ADGRV1: variants seen among roughly 807,000 people sequenced by gnomAD.
ADGRV1 encodes adhesion G protein-coupled receptor V1, also known as G-protein coupled receptor 98.
A neutral mutation model predicts 596.2 loss-of-function variants in ADGRV1; 359 were observed. The observed-to-expected ratio is 0.60, with a 90% confidence interval of 0.55 to 0.66. The LOEUF is 0.66. Among genes scored for constraint, ADGRV1 ranks in the 30% least tolerant of loss-of-function variants. ADGRV1 has a pLI of 0.00. For missense variants in ADGRV1, 7,274 were observed against 7,575.6 expected, an observed-to-expected ratio of 0.96 and a Z score of 1.48; for synonymous variants, 2,681 against 2,679.2, an observed-to-expected ratio of 1.00 and a Z score of -0.02.
intron 83 of ADGRV1, among the ~76,000 whole-genome samples, chr5:90,887,456 T>C (rs369611565): frequency 6.6e-6 from 1 of 152,176 alleles, no homozygotes; most frequent in East Asian, 1.9e-4. Context: ...TCTTGACTTA[T>C]TCATCTCTGT....
At chr5:90,740,016 T>C (rs58661483) in intron 50 of ADGRV1, among the ~76,000 whole-genome samples, 5,667 of 152,248 alleles carry the variant, frequency 0.037, 342 homozygotes, top group African/African-American at 0.13. Context: ...TGATGCTCAC[T>C]AGCTGAGTCT....
Position 91,017,682 on chromosome 5 carries a change from G to A in ADGRV1, c.18152+32160G>A, listed in dbSNP as rs565197673. 3.3e-5 allele frequency among the ~76,000 whole-genome samples: 5 copies of A among 152,044 alleles called. No homozygotes were observed. In the South Asian group the frequency reaches 1.0e-3, roughly 32 times the overall value. On this transcript the variant is annotated intron_variant, in intron 85 of 89. Transcript: ENST00000405460. Reference sequence around the variant, plus strand: ...GTAGAGTTATAAGGTACAAATGTATGTATGCCCTTGGATGTGAATTTACCC... The same window carrying A: ...GTAGAGTTATAAGGTACAAATGTATATATGCCCTTGGATGTGAATTTACCC...
intron 85 of ADGRV1, among the ~76,000 whole-genome samples, chr5:91,057,662 T>G (rs1787008511): frequency 6.6e-6 from 1 of 152,232 alleles, no homozygotes; most frequent in Non-Finnish European, 1.5e-5. Context: ...AAATTCCTTA[T>G]GATAAAATAT....
rs79113115 is a variant in ADGRV1 at position 90,560,136 on chromosome 5, A to C, written c.22+1219A>C. On this transcript the variant is annotated intron_variant, in intron 1 of 89. Transcript: ENST00000405460. ...TGCCATTAACACACAATGACTTCGG[A>C]CATTCACCCATCCTTCCAGGCATTA... Among the ~76,000 whole-genome samples, 253 of 152,278 alleles carry C rather than the reference A, an allele frequency of 1.7e-3. 3 individuals are homozygous for C. In the East Asian group the frequency reaches 0.023, roughly 14 times the overall value.
intron 67 of ADGRV1, among the ~76,000 whole-genome samples, chr5:90,785,626 A>G (rs948053756): frequency 6.6e-6 from 1 of 152,268 alleles, no homozygotes; most frequent in African/African-American, 2.4e-5. Flanking sequence ...GAAGACATTT[A>G]TGCAGCCAAC....
At position 90,705,413 on chromosome 5, in the gene ADGRV1, C is replaced by A; in HGVS notation, c.8400C>A (p.Ala2800=). Residue 2800 remains alanine, a synonymous_variant, in exon 37 of 90, where the codon GCC becomes GCA. Coordinates refer to ENST00000405460, the MANE Select transcript of ADGRV1 (RefSeq NM_032119.4). ...TGACATTTTTAGGAGTTCCACCAGCCGGAATCGCCCTGCTTGATGCTCAAG... is the reference window on the plus strand; with the variant it reads ...TGACATTTTTAGGAGTTCCACCAGCAGGAATCGCCCTGCTTGATGCTCAAG... ...YDVRTQGVPP[A]GIALLDAQGY... 1 of 1,613,266 alleles carries A rather than the reference C, an allele frequency of 6.2e-7. No individual in the cohort carries two copies. Among genetic ancestry groups the A allele is most frequent in the Non-Finnish European group, 8.5e-7 (1 of 1,179,528 alleles).
chr5:90,734,788 G>A (rs1345870446), intron 50 of ADGRV1, among the ~76,000 whole-genome samples: 1 of 152,008 alleles, frequency 6.6e-6, no homozygotes, highest in East Asian at 1.9e-4. Flanking sequence ...TCAAACTCCT[G>A]ACCTCATGAT....
chr5:91,056,510 AT>A (rs902077928), intron 85 of ADGRV1, among the ~76,000 whole-genome samples: 73 of 150,754 alleles, frequency 4.8e-4, no homozygotes, highest in African/African-American at 1.5e-3. Context: ...CAAAACGACA[AT>A]TTTTTTTTTG....
intron 85 of ADGRV1, among the ~76,000 whole-genome samples, chr5:90,999,863 G>A (rs1218527906): frequency 1.3e-5 from 2 of 152,016 alleles, no homozygotes; most frequent in African/African-American, 4.8e-5. Context: ...TTGTCAAACA[G>A]GATACTTCAT....
chr5:90,705,854 A>G (rs1175830760), intron 37 of ADGRV1, among the ~76,000 whole-genome samples: 1 of 152,222 alleles, frequency 6.6e-6, no homozygotes, highest in Non-Finnish European at 1.5e-5. Flanking sequence ...GGGCTTGGCC[A>G]TGGGTGGCTC....
At chr5:90,586,005 A>G (rs1758715468) in intron 1 of ADGRV1, among the ~76,000 whole-genome samples, 1 of 152,244 alleles carries the variant, frequency 6.6e-6, no homozygotes, top group South Asian at 2.1e-4. Flanking sequence ...CTCTTTCTCC[A>G]GCTGTAAGCC....
chr5:90,633,580 T>A (rs1214412845), intron 9 of ADGRV1, among the ~76,000 whole-genome samples: 1 of 151,956 alleles, frequency 6.6e-6, no homozygotes, highest in East Asian at 1.9e-4. Context: ...ATATACATAT[T>A]TTATTTAACT....
chr5:90,704,106 C>T (rs1748273398), intron 35 of ADGRV1, among the ~76,000 whole-genome samples: 1 of 152,152 alleles, frequency 6.6e-6, no homozygotes. Flanking sequence ...AGAAACCTCT[C>T]CAACTTTGTG....
chr5:91,037,046 A>C (rs1784971346), intron 85 of ADGRV1, among the ~76,000 whole-genome samples: 1 of 152,152 alleles, frequency 6.6e-6, no homozygotes, highest in Non-Finnish European at 1.5e-5. Context: ...GAGACAAAGC[A>C]ATTTTATCAT....
rs570862883 is a variant in ADGRV1, at chr5:91,058,504, T to C, written c.18153-13943T>C. On this transcript the variant is annotated intron_variant, in intron 85 of 89. Coordinates refer to ENST00000405460, the MANE Select transcript of ADGRV1 (RefSeq NM_032119.4). ...ATCTTTTGCCCTCTTTTTGGAAGCTTTGTGGGAGTGGGACAGTAGTATGGA... is the reference window on the plus strand; with the variant it reads ...ATCTTTTGCCCTCTTTTTGGAAGCTCTGTGGGAGTGGGACAGTAGTATGGA... Among the ~76,000 whole-genome samples the C allele has an allele frequency of 4.0e-5, 6 of 151,850 alleles. No homozygotes were observed. In the East Asian group the frequency reaches 9.7e-4, roughly 25 times the overall value.
At chr5:90,917,452 AACT>A (rs1773485718) in intron 83 of ADGRV1, among the ~76,000 whole-genome samples, 1 of 151,310 alleles carries the variant, frequency 6.6e-6, no homozygotes, top group South Asian at 2.1e-4. Flanking sequence ...GATAAAAATT[AACT>A]ACTACAGCTT....
At chr5:90,956,606 A>T (rs1212111162) in intron 83 of ADGRV1, among the ~76,000 whole-genome samples, 2 of 152,140 alleles carry the variant, frequency 1.3e-5, no homozygotes, top group Admixed American at 6.5e-5. Flanking sequence ...TATTCAAATG[A>T]TCTTGATGTT....
At chr5:91,129,705 A>G (rs903537109) in intron 87 of ADGRV1, among the ~76,000 whole-genome samples, 5 of 152,226 alleles carry the variant, frequency 3.3e-5, no homozygotes, top group Admixed American at 3.3e-4. Context: ...TTCTGCAACT[A>G]TGTTGTTCTT....
chr5:90,818,253 T>A (rs991566971), intron 75 of ADGRV1, among the ~76,000 whole-genome samples: 36 of 152,010 alleles, frequency 2.4e-4, no homozygotes, highest in African/African-American at 8.4e-4. Context: ...GTGATTTTTG[T>A]ACATTGATTT....
Sources: allele counts gnomAD v4.1 joint callset (sites outside exome capture counted in the v4.1 genomes callset), GRCh38; gene constraint gnomAD v4.1.1; transcripts MANE v1.5; gene names NCBI Gene and HGNC (gene_info 2026-07-23, HGNC 2026-07-21).